The following WDR1 variants were observed in gnomAD, a reference collection of about 807,000 sequenced individuals.
WDR1 encodes WD repeat-containing protein 1.
A neutral mutation model predicts 71.9 loss-of-function variants in WDR1; 21 were observed. That is an observed-to-expected ratio of 0.29 (90% confidence interval 0.21 to 0.42). The LOEUF is 0.42. Among genes scored for constraint, WDR1 ranks in the 10% least tolerant of loss-of-function variants. WDR1 has a pLI of 1.00. For synonymous variants in WDR1, 424 were observed against 347.4 expected, an observed-to-expected ratio of 1.22 and a Z score of -2.45; for missense variants, 696 against 824.5, an observed-to-expected ratio of 0.84 and a Z score of 1.91.
rs1485948214 is a variant in WDR1 at position 10,088,726 on chromosome 4, C to G, written c.574G>C (p.Val192Leu). The part of the protein sequence containing the change: ...KFTIGDHSRF[V>L]NCVRFSPDGN... ...TCAGGAGAGAATCGCACACAGTTGA[C>G]AAAGCGGCTGTGGTCCTGCAGGAAA... Residue 192 changes from valine to leucine, a missense_variant, in exon 6 of 15, where the codon GTC becomes CTC. Val to Leu is a conservative substitution (Grantham distance 32, BLOSUM62 1). Transcript: ENST00000499869. 6.2e-7 allele frequency: 1 copy of G among 1,603,656 alleles called. No homozygotes were observed. Among genetic ancestry groups the G allele is most frequent in the Non-Finnish European group, 8.5e-7 (1 of 1,175,074 alleles).
intron 5 of WDR1, among the ~76,000 whole-genome samples, chr4:10,095,568 C>T (rs1389019555): frequency 6.6e-6 from 1 of 152,196 alleles, no homozygotes; most frequent in Non-Finnish European, 1.5e-5. Flanking sequence ...CGCAGCTTTC[C>T]TCTGGGGTCC....
At position 10,113,404 on chromosome 4, in the gene WDR1, C is replaced by A. The variant is rs376254107; in HGVS notation, c.138+2709G>T. 1.9e-4 allele frequency among the ~76,000 whole-genome samples: 29 copies of A among 152,290 alleles called. No homozygotes were observed. The South Asian group carries it at 5.8e-3, about 30-fold the overall frequency. ...AAGAGAAGACAGGGAGCAAGACTTG[C>A]AGCTATCTGAGAAAATGTCCAGGCA... On this transcript the variant is annotated intron_variant, in intron 2 of 14. Transcript: ENST00000499869.
At chr4:10,092,652 C>A (rs897892099) in intron 5 of WDR1, 6 of 257,934 alleles carry the variant, frequency 2.3e-5, no homozygotes, top group African/African-American at 8.9e-5. Context: ...AATGCAGACA[C>A]TGATGTCTGC....
At chr4:10,092,777 A>G in intron 5 of WDR1, 1 of 303,082 alleles carries the variant, frequency 3.3e-6, no homozygotes, top group Non-Finnish European at 6.7e-6. Context: ...AAAGAGGGAG[A>G]GGGATTGGGG....
intron 2 of WDR1, among the ~76,000 whole-genome samples, chr4:10,104,766 G>A (rs148544813): frequency 1.3e-5 from 2 of 152,166 alleles, no homozygotes; most frequent in African/African-American, 2.4e-5. Flanking sequence ...CTTTCAGGAG[G>A]GAATAAAGAC....
chr4:10,075,765 A>T (rs540991970), intron 14 of WDR1: 1 of 530,718 alleles, frequency 1.9e-6, no homozygotes, highest in East Asian at 3.2e-5. Context: ...CCTCTCTCCA[A>T]GTCTTGACAA....
chr4:10,088,503 A>T, intron 6 of WDR1, 130 bp from the exon 7 acceptor site: 1 of 1,132,732 alleles, frequency 8.8e-7, no homozygotes, highest in Non-Finnish European at 1.3e-6. Context: ...TTAAAAGCAG[A>T]CATGCATTTA....
At chr4:10,089,236 G>A (rs779010236) in intron 5 of WDR1, among the ~76,000 whole-genome samples, 3 of 152,206 alleles carry the variant, frequency 2.0e-5, no homozygotes, top group African/African-American at 4.8e-5. Context: ...AGCCTCCCGA[G>A]TAGCTGGGAC....
At chr4:10,115,437 T>C (rs1713651783) in intron 2 of WDR1, among the ~76,000 whole-genome samples, 1 of 152,232 alleles carries the variant, frequency 6.6e-6, no homozygotes, top group Non-Finnish European at 1.5e-5. Flanking sequence ...CTTTGGGGCT[T>C]AGATCCATGG....
intron 2 of WDR1, among the ~76,000 whole-genome samples, chr4:10,109,355 G>A (rs902481391): frequency 1.3e-5 from 2 of 152,248 alleles, no homozygotes; most frequent in African/African-American, 4.8e-5. Flanking sequence ...TCACGTCACT[G>A]CAAATCAGGG....
At chr4:10,082,405 G>A (rs1474447342) in intron 10 of WDR1, among the ~76,000 whole-genome samples, 1 of 152,190 alleles carries the variant, frequency 6.6e-6, no homozygotes, top group Non-Finnish European at 1.5e-5. Flanking sequence ...GGTCAGACCT[G>A]GGCATGGGGA....
Position 10,104,742 on chromosome 4 carries a change from C to T in WDR1, c.139-756G>A, listed in dbSNP as rs114614628. ...CACTGGGCTGCTCTCAATCTGTCTC[C>T]ACAGTGAAGCTTTCTTTCAGGAGGG... On this transcript the variant is annotated intron_variant, in intron 2 of 14. Coordinates refer to ENST00000499869, the MANE Select transcript of WDR1 (RefSeq NM_017491.5). Among the ~76,000 whole-genome samples the T allele has an allele frequency of 5.4e-3, 825 of 152,320 alleles. 7 individuals are homozygous for T. The highest frequency in any genetic ancestry group is 0.02 in the Middle Eastern group (6 of 294).
At chr4:10,098,760 C>T (rs554827439) in intron 4 of WDR1, among the ~76,000 whole-genome samples, 2 of 152,336 alleles carry the variant, frequency 1.3e-5, no homozygotes, top group Middle Eastern at 3.4e-3. Flanking sequence ...GCACTCAGGA[C>T]GTCAGAGGAG....
intron 2 of WDR1, among the ~76,000 whole-genome samples, chr4:10,105,975 A>G (rs1160202254): frequency 6.6e-6 from 1 of 152,260 alleles, no homozygotes; most frequent in African/African-American, 2.4e-5. Context: ...TCAATCGCCA[A>G]CATGTTATGC....
At chr4:10,105,851 C>A (rs754712097) in intron 2 of WDR1, among the ~76,000 whole-genome samples, 12 of 152,148 alleles carry the variant, frequency 7.9e-5, no homozygotes, top group Non-Finnish European at 1.8e-4. Flanking sequence ...TTTGCAATGG[C>A]CAAAAACTGG....
intron 3 of WDR1, among the ~76,000 whole-genome samples, chr4:10,100,764 C>T (rs1253602538): frequency 6.6e-6 from 1 of 152,136 alleles, no homozygotes; most frequent in Non-Finnish European, 1.5e-5. Context: ...ATAAAACAGG[C>T]CGGGGGGGAA....
rs374963422 is a variant in WDR1, at chr4:10,097,859, G to A, written c.410C>T (p.Ser137Phe). ...FGAVFLWDSG[S>F]SVGEITGHNK... ...GTGTCCTGTAATCTCGCCCACAGAA[G>A]AGCCACTATCCCAGAGGAAGACTGC... The change falls in exon 5 of 15, where the codon TCT becomes TTT. Residue 137 changes from serine (S) to phenylalanine (F), a missense_variant. Ser to Phe is a radical substitution (Grantham distance 155, BLOSUM62 -2). Coordinates refer to ENST00000499869, the MANE Select transcript of WDR1 (RefSeq NM_017491.5). 3.1e-5 allele frequency: 50 copies of A among 1,606,710 alleles called. No individual in the cohort carries two copies. Among genetic ancestry groups the A allele is most frequent in the Non-Finnish European group, 3.7e-5 (44 of 1,176,836 alleles).
intron 5 of WDR1, chr4:10,093,017 C>A: frequency 2.4e-6 from 3 of 1,274,724 alleles, no homozygotes; most frequent in Non-Finnish European, 3.1e-6. Flanking sequence ...GTCCTCACTC[C>A]CTCCCACCAA....
At chr4:10,102,548 C>A (rs991145280) in intron 3 of WDR1, among the ~76,000 whole-genome samples, 3 of 152,204 alleles carry the variant, frequency 2.0e-5, no homozygotes, top group African/African-American at 7.2e-5. Flanking sequence ...TTGACAGATA[C>A]CGGCCCCTGC....
Sources: allele counts gnomAD v4.1 joint callset (sites outside exome capture counted in the v4.1 genomes callset), GRCh38; gene constraint gnomAD v4.1.1; transcripts MANE v1.5; gene names NCBI Gene and HGNC (gene_info 2026-07-23, HGNC 2026-07-21).